Variants in ZNF385D observed in about 807,000 individuals in gnomAD.
ZNF385D encodes the protein zinc finger protein 385D.
A neutral mutation model predicts 35.8 loss-of-function variants in ZNF385D; 15 were observed. That is an observed-to-expected ratio of 0.42 (90% CI 0.28 to 0.64). The LOEUF (loss-of-function observed/expected upper bound fraction) is 0.64, where lower values mean the gene tolerates loss of function less well. Among genes scored for constraint, ZNF385D ranks in the 30% least tolerant of loss-of-function variants. The probability of loss-of-function intolerance (pLI) is 0.23; values close to 1 mark genes in which losing one functional copy is unlikely to be tolerated. For missense variants in ZNF385D, 474 were observed against 494.6 expected (o/e 0.96, Z 0.39); for synonymous variants, 212 against 186.8 (o/e 1.13, Z -1.10).
chr3:21,758,020 T>C (rs1358356626), intron 3 of ZNF385D, among the ~76,000 whole-genome samples: 1 of 152,222 alleles, frequency 6.6e-6, no homozygotes, highest in African/African-American at 2.4e-5. Flanking sequence ...TGCCCTTTTC[T>C]GTTCCCCTTT....
At chr3:21,863,770 G>C (rs958385386) in intron 3 of ZNF385D, among the ~76,000 whole-genome samples, 1 of 152,146 alleles carries the variant, frequency 6.6e-6, no homozygotes, top group Non-Finnish European at 1.5e-5. Context: ...TTTAAGGCAG[G>C]ACTCATGTTG....
At chr3:21,774,279 G>C (rs953218319) in intron 3 of ZNF385D, among the ~76,000 whole-genome samples, 1 of 151,726 alleles carries the variant, frequency 6.6e-6, no homozygotes, top group Admixed American at 6.6e-5. Flanking sequence ...GAGGGTGGGG[G>C]TGGTGAGAGG....
At chr3:21,875,425 C>A (rs778634319) in intron 3 of ZNF385D, among the ~76,000 whole-genome samples, 1 of 151,992 alleles carries the variant, frequency 6.6e-6, no homozygotes, top group Non-Finnish European at 1.5e-5. Context: ...ACCCTTTTAT[C>A]CTCATATCTT....
At chr3:21,824,378 A>G in intron 3 of ZNF385D, among the ~76,000 whole-genome samples, 1 of 152,342 alleles carries the variant, frequency 6.6e-6, no homozygotes, top group South Asian at 2.1e-4. Context: ...GTGTAACACT[A>G]TGCATACCTA....
intron 3 of ZNF385D, among the ~76,000 whole-genome samples, chr3:21,520,227 T>C (rs1189959999): frequency 6.6e-6 from 1 of 152,194 alleles, no homozygotes; most frequent in East Asian, 1.9e-4. Flanking sequence ...TAGGTATGTC[T>C]GCATCGTAGC....
At chr3:22,370,079 A>T (rs1494217) in intron 2 of ZNF385D, among the ~76,000 whole-genome samples, 3 of 152,068 alleles carry the variant, frequency 2.0e-5, no homozygotes, top group South Asian at 4.2e-4. Flanking sequence ...GTAAATAGCA[A>T]GTCACAGCAG....
chr3:21,877,935 T>C (rs1698069159), intron 3 of ZNF385D: 1 of 152,064 alleles, frequency 6.6e-6, no homozygotes. Flanking sequence ...ATACTATTAA[T>C]TTTAATTACA....
At chr3:21,889,766 G>A (rs1698746547) in intron 3 of ZNF385D, among the ~76,000 whole-genome samples, 1 of 152,120 alleles carries the variant, frequency 6.6e-6, no homozygotes, top group African/African-American at 2.4e-5. Context: ...GAATGGCTTA[G>A]AAACAGAAAT....
chr3:22,208,674 C>T (rs1376301866), intron 2 of ZNF385D, among the ~76,000 whole-genome samples: 2 of 150,598 alleles, frequency 1.3e-5, no homozygotes, highest in African/African-American at 4.9e-5. Flanking sequence ...TTATGTACCC[C>T]ATAAATATAC....
At chr3:21,790,059 T>C (rs116145747) in intron 3 of ZNF385D, among the ~76,000 whole-genome samples, 2,077 of 152,198 alleles carry the variant, frequency 0.014, 50 homozygotes, top group African/African-American at 0.047. Context: ...ATGTAGAGCA[T>C]AGCACATATA....
At chr3:21,602,786 G>A (rs2064353208) in intron 2 of ZNF385D, among the ~76,000 whole-genome samples, 1 of 151,730 alleles carries the variant, frequency 6.6e-6, no homozygotes. Flanking sequence ...ACCCGCCTCG[G>A]CCTCCCAAAG....
chr3:22,048,472 G>C (rs977091835), intron 3 of ZNF385D, among the ~76,000 whole-genome samples: 2 of 152,116 alleles, frequency 1.3e-5, no homozygotes, highest in Non-Finnish European at 2.9e-5. Context: ...TGAATGTCAA[G>C]TTTTCCCAGC....
At chr3:21,808,379 C>G (rs1047027663) in intron 3 of ZNF385D, among the ~76,000 whole-genome samples, 2 of 152,148 alleles carry the variant, frequency 1.3e-5, no homozygotes, top group African/African-American at 4.8e-5. Flanking sequence ...AGCTATGACT[C>G]CAGATTCTTT....
At chr3:22,068,011 G>GA (rs11461604) in intron 3 of ZNF385D, among the ~76,000 whole-genome samples, 77,357 of 149,500 alleles carry the variant, frequency 0.52, 21,531 homozygotes, top group African/African-American at 0.75. Flanking sequence ...GACTCCACTG[G>GA]AAAAAAAAAA....
intron 2 of ZNF385D, among the ~76,000 whole-genome samples, chr3:22,196,887 G>A (rs1299191757): frequency 1.3e-5 from 2 of 151,956 alleles, no homozygotes; most frequent in East Asian, 3.9e-4. Context: ...TATTTATTGA[G>A]CATGGGTCTG....
At chr3:21,472,433 C>G (rs1404029689) in intron 4 of ZNF385D, among the ~76,000 whole-genome samples, 1 of 152,154 alleles carries the variant, frequency 6.6e-6, no homozygotes, top group Non-Finnish European at 1.5e-5. Context: ...TTTAGGAAAT[C>G]TGATCATCAG....
chr3:22,189,141 T>C (rs1234057165), intron 2 of ZNF385D, among the ~76,000 whole-genome samples: 2 of 152,148 alleles, frequency 1.3e-5, no homozygotes, highest in Non-Finnish European at 2.9e-5. Context: ...AGGGTTAAGT[T>C]TTGCTCATAT....
chr3:21,499,694 G>A (rs540479126), intron 4 of ZNF385D, among the ~76,000 whole-genome samples: 2 of 151,792 alleles, frequency 1.3e-5, no homozygotes, highest in South Asian at 2.1e-4. Flanking sequence ...GGCCCAAATG[G>A]GTCAGTATCA....
intron 3 of ZNF385D, among the ~76,000 whole-genome samples, chr3:21,776,060 A>G (rs1316327362): frequency 6.6e-6 from 1 of 151,704 alleles, no homozygotes; most frequent in Non-Finnish European, 1.5e-5. Flanking sequence ...AATTTTTTGT[A>G]TATTATACAA....
Sources: allele counts gnomAD v4.1 joint callset (sites outside exome capture counted in the v4.1 genomes callset), GRCh38; gene constraint gnomAD v4.1.1; transcripts MANE v1.5; gene names NCBI Gene and HGNC (gene_info 2026-07-23, HGNC 2026-07-21).